PRPS1: variants seen among roughly 807,000 people sequenced by gnomAD.
PRPS1 encodes phosphoribosyl pyrophosphate synthetase 1.
A neutral mutation model predicts 16.9 loss-of-function variants in PRPS1; 1 was observed. The observed-to-expected ratio is 0.06, with a 90% CI of 0.02 to 0.28. PRPS1 has a LOEUF of 0.28. PRPS1 is among the 10% of genes least tolerant of loss of function. The pLI is 1.00. For synonymous variants in PRPS1, 70 were observed against 90.2 expected, an observed-to-expected ratio of 0.78 and a Z score of 1.27; for missense variants, 47 against 254.0, an observed-to-expected ratio of 0.19 and a Z score of 5.54.
At chrX:107,636,279 C>T (rs182761573) in intron 1 of PRPS1, among the ~76,000 whole-genome samples, 4 of 110,164 alleles carry the variant, frequency 3.6e-5, no homozygotes, top group East Asian at 2.9e-4. Flanking sequence ...CATGTCCCCA[C>T]GCCTAATTTT....
At chrX:107,641,613 C>T (rs772872885) in intron 3 of PRPS1, among the ~76,000 whole-genome samples, 1 of 111,871 alleles carries the variant, frequency 8.9e-6, no homozygotes, top group Non-Finnish European at 1.9e-5. Flanking sequence ...CTGCTGCAGC[C>T]TCCCAAAGTG....
rs1255741127 is a variant in PRPS1 at position 107,642,877 on chromosome X, T to C, written c.530+387T>C. Among the ~76,000 whole-genome samples, 3 of 112,185 alleles carry C rather than the reference T, an allele frequency of 2.7e-5. No homozygotes were observed. In the Admixed American group the frequency reaches 2.9e-4, roughly 11 times the overall value. ...CTTTTACACTCCTCTTACAATGCTG[T>C]TGGTTAGATCATTTTGATCCTTGGG... On this transcript the variant is annotated intron_variant, in intron 4 of 6. Coordinates refer to ENST00000372435, the MANE Select transcript of PRPS1 (RefSeq NM_002764.4).
intron 1 of PRPS1, among the ~76,000 whole-genome samples, chrX:107,634,848 T>TC (rs1925395352): frequency 9.3e-6 from 1 of 107,333 alleles, no homozygotes; most frequent in Non-Finnish European, 1.9e-5. Context: ...TTTTTTTTTT[T>TC]TGAGACAGAG....
At chrX:107,629,395 G>A (rs1335329349) in intron 1 of PRPS1, among the ~76,000 whole-genome samples, 1 of 111,564 alleles carries the variant, frequency 9.0e-6, no homozygotes, top group Non-Finnish European at 1.9e-5. Flanking sequence ...AAAGTGATGC[G>A]TTGACTCTGC....
At chrX:107,649,103 T>C (rs1220742039) in intron 6 of PRPS1, among the ~76,000 whole-genome samples, 2 of 110,152 alleles carry the variant, frequency 1.8e-5, no homozygotes, top group Non-Finnish European at 3.8e-5. Flanking sequence ...CATTTTTTTT[T>C]AGACAGGGTC....
chrX:107,637,339 T>G (rs1925464483), intron 1 of PRPS1, among the ~76,000 whole-genome samples: 1 of 111,742 alleles, frequency 8.9e-6, no homozygotes, highest in Admixed American at 9.6e-5. Context: ...CCCTAGCATC[T>G]AGTACAGTGA....
rs1201162820 is a variant in PRPS1, at chrX:107,647,672, T to C, written c.771T>C (p.Ala257=). Residue 257 remains alanine (A), a synonymous_variant, in exon 6 of 7, where the codon GCT becomes GCC. Coordinates refer to ENST00000372435, the MANE Select transcript of PRPS1 (RefSeq NM_002764.4). ...CTCATGGAATCTTCTCCGGTCCTGC[T>C]ATTTCTCGCATCAACAACGCATGCT... is the stretch of plus-strand genomic sequence containing the variant. ...ILTHGIFSGP[A]ISRINNACFE... 8.3e-7 allele frequency: 1 copy of C among 1,209,050 alleles called. No individual in the cohort carries two copies. Among genetic ancestry groups the C allele is most frequent in the African/African-American group, 1.8e-5 (1 of 57,080 alleles).
rs772115112 is a variant in PRPS1, at chrX:107,645,159, A to G, written c.531-18A>G. The stretch of plus-strand genomic sequence containing the variant: ...TCTTAGAAGCCACACATACATATGA[A>G]CACGCTCTGTTTTGCAGAGTGACCT... On this transcript the variant is annotated intron_variant, in intron 4 of 6. Transcript: ENST00000372435. 3 of 1,211,583 alleles carry G rather than the reference A, an allele frequency of 2.5e-6. No individual in the cohort carries two copies. Among genetic ancestry groups the G allele is most frequent in the Non-Finnish European group, 3.4e-6 (3 of 895,090 alleles).
chrX:107,646,350 A>C (rs1163279983), intron 5 of PRPS1, among the ~76,000 whole-genome samples: 4 of 111,115 alleles, frequency 3.6e-5, no homozygotes, highest in African/African-American at 1.3e-4. Flanking sequence ...TCCTGGGCTC[A>C]AGCAATTCTC....
chrX:107,637,039 C>A (rs1410886558), intron 1 of PRPS1, among the ~76,000 whole-genome samples: 1 of 112,501 alleles, frequency 8.9e-6, no homozygotes, highest in East Asian at 2.8e-4. Flanking sequence ...CACACATACA[C>A]CTCTCCTTCA....
At chrX:107,630,295 A>G (rs1162218764) in intron 1 of PRPS1, 1 of 112,303 alleles carries the variant, frequency 8.9e-6, no homozygotes, top group Non-Finnish European at 1.9e-5. Flanking sequence ...GCCCCTGTGG[A>G]TATTTAATCC....
chrX:107,650,499 G>A lies in PRPS1; in HGVS notation c.*467G>A, dbSNP rs1413141756. 3.8e-6 allele frequency: 1 copy of A among 262,237 alleles called. No individual in the cohort carries two copies. The highest frequency in any genetic ancestry group is 3.1e-5 in the African/African-American group (1 of 32,718). 21.6% of individuals were successfully genotyped at this position (262,237 alleles called of 1,213,427 possible). On this transcript the variant is annotated 3_prime_UTR_variant, in exon 7 of 7. Coordinates refer to ENST00000372435, the MANE Select transcript of PRPS1 (RefSeq NM_002764.4). ...AACCCCAAACCTAGTCCTGGTAGCT[G>A]AGCACCCTGTAAGGCAGGAGCAGGC...
chrX:107,637,114 T>A (rs1033658331), intron 1 of PRPS1, among the ~76,000 whole-genome samples: 12 of 112,625 alleles, frequency 1.1e-4, no homozygotes, highest in Non-Finnish European at 2.1e-4. Context: ...TAAAAATTTT[T>A]AAATTATTTT....
chrX:107,637,960 T>G (rs1351475920), intron 1 of PRPS1, among the ~76,000 whole-genome samples: 3 of 106,820 alleles, frequency 2.8e-5, no homozygotes, highest in Non-Finnish European at 1.9e-5. Flanking sequence ...ATTTTTTTGA[T>G]ATGGAGTCTT....
At chrX:107,629,594 T>C (rs990473718) in intron 1 of PRPS1, among the ~76,000 whole-genome samples, 2 of 112,199 alleles carry the variant, frequency 1.8e-5, no homozygotes, top group South Asian at 3.7e-4. Context: ...GAAACAATTT[T>C]ATACCTGAAT....
chrX:107,644,878 G>A (rs1337799544), intron 4 of PRPS1, among the ~76,000 whole-genome samples: 1 of 110,386 alleles, frequency 9.1e-6, no homozygotes, highest in African/African-American at 3.3e-5. Context: ...GCAGTGGCGC[G>A]ATCTCAGCTC....
chrX:107,635,726 T>G (rs1925419510), intron 1 of PRPS1, among the ~76,000 whole-genome samples: 1 of 110,615 alleles, frequency 9.0e-6, no homozygotes. Flanking sequence ...TAAAAGTGAC[T>G]CTTTTAGCTT....
At chrX:107,645,940 A>G (rs1428652860) in intron 5 of PRPS1, among the ~76,000 whole-genome samples, 1 of 109,586 alleles carries the variant, frequency 9.1e-6, no homozygotes, top group East Asian at 2.8e-4. Flanking sequence ...TCTGTTCTCC[A>G]TTGCCAGTCA....
At chrX:107,641,109 C>G in intron 3 of PRPS1, 109 bp downstream of exon 3, 1 of 1,196,651 alleles carries the variant, frequency 8.4e-7, no homozygotes, top group Admixed American at 2.3e-5. Flanking sequence ...CTGAAATAAA[C>G]TAGATATCAA....
Sources: gnomAD v4.1 joint callset for allele counts (sites outside exome capture counted in the v4.1 genomes callset) on GRCh38, gnomAD v4.1.1 for gene constraint, MANE v1.5 for transcripts, NCBI Gene and HGNC (gene_info 2026-07-23, HGNC 2026-07-21) for gene names.